ELMO1: variants seen among roughly 807,000 people sequenced by gnomAD.
ELMO1 encodes engulfment and cell motility 1.
ELMO1 carries 26 observed loss-of-function variants against 98.9 expected under a neutral mutation model. That is an observed-to-expected ratio of 0.26 (90% confidence interval 0.19 to 0.36). ELMO1 has a LOEUF of 0.36. ELMO1 is among the 10% of genes least tolerant of loss of function. The pLI, the probability that ELMO1 is intolerant of heterozygous loss-of-function variation, is 1.00. For missense variants in ELMO1, 627 were observed against 935.2 expected (o/e 0.67, Z 4.30); for synonymous variants, 346 against 346.0 (o/e 1.00, Z 0.00).
Position 37,358,650 on chromosome 7 carries a change from C to T in ELMO1, c.-73-15887G>A, listed in dbSNP as rs367663943. ...CCTAAAAAATCTTACTTTTCTCAGC[C>T]TTTCAAATCTTACTTTTCTCGGCCT... On this transcript the variant is annotated intron_variant, in intron 1 of 21. Coordinates refer to ENST00000310758, the MANE Select transcript of ELMO1 (RefSeq NM_014800.11). Among the ~76,000 whole-genome samples the T allele has an allele frequency of 7.2e-5, 11 of 152,234 alleles. No individual in the cohort carries two copies. In the South Asian group the frequency reaches 2.3e-3, roughly 32 times the overall value.
At chr7:37,005,107 C>CAAAAAAAAAAAAAAAAAAAAAAAAAA (rs35665315) in intron 16 of ELMO1, among the ~76,000 whole-genome samples, 1 of 38,292 alleles carries the variant, frequency 2.6e-5, no homozygotes, top group Non-Finnish European at 6.2e-5. Flanking sequence ...GGCTCTGTCT[C>CAAAAAAAAAAAAAAAAAAAAAAAAAA]AAAAAAAAAA....
intron 1 of ELMO1, among the ~76,000 whole-genome samples, chr7:37,424,901 T>C (rs1804638852): frequency 6.6e-6 from 1 of 151,772 alleles, no homozygotes; most frequent in Non-Finnish European, 1.5e-5. Flanking sequence ...ACCATTTTGT[T>C]ATAGAATGGG....
rs1794277517 is a variant in ELMO1 at position 37,233,172 on chromosome 7, T to C, written c.472A>G (p.Thr158Ala). Reference protein sequence around the residue: ...KPCFGDMLSFTLTAFVELMDH... With the variant: ...KPCFGDMLSFALTAFVELMDH... ...ATCAGCTCAACGAAGGCCGTCAGGG[T>C]GAAGGACAGCATGTCTCCAAAGCTG... Residue 158 changes from threonine (T) to alanine (A), a missense_variant, in exon 8 of 22, where the codon ACC (threonine) becomes GCC (alanine). Thr to Ala is a moderately conservative substitution (Grantham distance 58). Transcript: ENST00000310758. 2 of 1,612,214 alleles carry C rather than the reference T, an allele frequency of 1.2e-6. No individual in the cohort carries two copies. Among genetic ancestry groups the C allele is most frequent in the Non-Finnish European group, 1.7e-6 (2 of 1,179,378 alleles).
chr7:37,149,849 G>T (rs1014831538), intron 13 of ELMO1, among the ~76,000 whole-genome samples: 2 of 152,154 alleles, frequency 1.3e-5, no homozygotes, highest in African/African-American at 2.4e-5. Context: ...TTTGCTCCCT[G>T]AACAACACAG....
At chr7:36,861,210 G>A (rs948053192) in intron 21 of ELMO1, among the ~76,000 whole-genome samples, 2 of 152,112 alleles carry the variant, frequency 1.3e-5, no homozygotes, top group Admixed American at 6.5e-5. Context: ...AAAGCATCTC[G>A]AAAATAAAAT....
chr7:37,093,781 C>G (rs56889684), intron 15 of ELMO1, among the ~76,000 whole-genome samples: 2,575 of 152,190 alleles, frequency 0.017, 45 homozygotes, highest in Middle Eastern at 0.034. Flanking sequence ...AACAACTCAT[C>G]TGGGCATGTA....
intron 3 of ELMO1, among the ~76,000 whole-genome samples, chr7:37,315,184 G>A (rs1172891150): frequency 6.6e-6 from 1 of 152,112 alleles, no homozygotes; most frequent in Non-Finnish European, 1.5e-5. Flanking sequence ...GGCTTGGTGT[G>A]GGAGATTTAA....
intron 13 of ELMO1, among the ~76,000 whole-genome samples, chr7:37,201,375 T>C (rs1309677309): frequency 6.6e-6 from 1 of 152,212 alleles, no homozygotes; most frequent in African/African-American, 2.4e-5. Flanking sequence ...AGTGCATTCT[T>C]TCCTATATTT....
Position 37,233,207 on chromosome 7 carries a change from GA to G in ELMO1, c.450-14del, listed in dbSNP as rs771077232. ...CATGTCTCCAAAGCTGAAAAAGACA[GA>G]GAGGCACAAGAGTCAAGAGCCCCAA... On this transcript the variant is annotated splice_polypyrimidine_tract_variant and intron_variant, in intron 7 of 21. Coordinates refer to ENST00000310758, the MANE Select transcript of ELMO1 (RefSeq NM_014800.11). The G allele has an allele frequency of 8.1e-6, 13 of 1,608,956 alleles. No individual in the cohort carries two copies. In the East Asian group the frequency reaches 2.9e-4, roughly 36 times the overall value.
chr7:36,865,632 C>T (rs2129036719), intron 20 of ELMO1, among the ~76,000 whole-genome samples: 1 of 152,350 alleles, frequency 6.6e-6, no homozygotes, highest in South Asian at 2.1e-4. Context: ...GTCTTCTCCT[C>T]ATTCTCTGCC....
At chr7:37,323,649 T>G (rs547918589) in intron 2 of ELMO1, among the ~76,000 whole-genome samples, 2 of 152,330 alleles carry the variant, frequency 1.3e-5, no homozygotes, top group African/African-American at 4.8e-5. Flanking sequence ...GCTAGATTAT[T>G]GAAAATGGCC....
intron 16 of ELMO1, among the ~76,000 whole-genome samples, chr7:36,933,068 T>TA (rs2129085872): frequency 6.6e-6 from 1 of 152,262 alleles, no homozygotes; most frequent in Admixed American, 6.5e-5. Context: ...ACTGCCATGA[T>TA]AGAGGGACAA....
At chr7:37,069,133 A>G (rs1037137673) in intron 15 of ELMO1, among the ~76,000 whole-genome samples, 1 of 152,052 alleles carries the variant, frequency 6.6e-6, no homozygotes, top group Non-Finnish European at 1.5e-5. Flanking sequence ...AACAGCTCCA[A>G]TCCCATTCTA....
intron 16 of ELMO1, among the ~76,000 whole-genome samples, chr7:36,958,195 T>A (rs1326653633): frequency 1.3e-5 from 2 of 152,190 alleles, no homozygotes; most frequent in African/African-American, 4.8e-5. Context: ...CATGAATACA[T>A]CCCCAGTACC....
At chr7:37,323,230 G>A (rs10236392) in intron 2 of ELMO1, among the ~76,000 whole-genome samples, 1 of 152,208 alleles carries the variant, frequency 6.6e-6, no homozygotes, top group African/African-American at 2.4e-5. Context: ...CAAAGTACCA[G>A]GTGTCAATAG....
intron 1 of ELMO1, among the ~76,000 whole-genome samples, chr7:37,400,721 G>T (rs1413835261): frequency 1.3e-5 from 2 of 152,082 alleles, no homozygotes; most frequent in Non-Finnish European, 2.9e-5. Context: ...CTACTTTTTA[G>T]GAATAACACT....
intron 1 of ELMO1, among the ~76,000 whole-genome samples, chr7:37,404,542 T>C (rs1274242509): frequency 6.6e-6 from 1 of 152,200 alleles, no homozygotes; most frequent in African/African-American, 2.4e-5. Flanking sequence ...CAACCTGGTA[T>C]ATAATAAATT....
chr7:37,301,674 T>C (rs964524015), intron 4 of ELMO1, among the ~76,000 whole-genome samples: 2 of 151,968 alleles, frequency 1.3e-5, no homozygotes, highest in African/African-American at 2.4e-5. Flanking sequence ...AGCAGTCACT[T>C]TTATTTTTTG....
At chr7:37,233,067 A>G in intron 8 of ELMO1, 28 bp downstream of exon 8, 3 of 1,575,040 alleles carry the variant, frequency 1.9e-6, no homozygotes, top group South Asian at 2.3e-5. Flanking sequence ...ACAGTAAGGA[A>G]AGCCTAAAGA....
Sources: gnomAD v4.1 joint callset for allele counts (sites outside exome capture counted in the v4.1 genomes callset) on GRCh38, gnomAD v4.1.1 for gene constraint, MANE v1.5 for transcripts, NCBI Gene and HGNC (gene_info 2026-07-23, HGNC 2026-07-21) for gene names.